Variants in CNBD1 observed in about 807,000 individuals in gnomAD.
CNBD1 encodes cyclic nucleotide-binding domain-containing protein 1.
Under a neutral mutation model 54.4 loss-of-function variants are expected in CNBD1, and 71 were observed. The ratio of observed to expected loss-of-function variants is 1.30; its 90% CI spans 1.08 to 1.59. The LOEUF (loss-of-function observed/expected upper bound fraction) is 1.59, where lower values mean the gene tolerates loss of function less well. Among genes scored for constraint, CNBD1 ranks in the 40% most tolerant of loss-of-function variants. The pLI, the probability that CNBD1 is intolerant of heterozygous loss-of-function variation, is 0.00. For missense variants in CNBD1, 659 were observed against 518.0 expected, an observed-to-expected ratio of 1.27 and a Z score of -2.64; for synonymous variants, 182 against 170.7, an observed-to-expected ratio of 1.07 and a Z score of -0.51.
At chr8:87,314,681 AAAATT>A (rs1478786486) in intron 8 of CNBD1, among the ~76,000 whole-genome samples, 1 of 152,044 alleles carries the variant, frequency 6.6e-6, no homozygotes, top group Non-Finnish European at 1.5e-5. Context: ...TAAGAAATAT[AAAATT>A]AAGTGAGGTA....
chr8:87,423,812 C>T (rs1807990369), intron 2 of CNBD1, among the ~76,000 whole-genome samples: 1 of 151,940 alleles, frequency 6.6e-6, no homozygotes, highest in African/African-American at 2.4e-5. Flanking sequence ...GGGAGGATTC[C>T]CTCTTTTTCT....
At chr8:86,897,511 AG>A (rs1808864684) in intron 2 of CNBD1, among the ~76,000 whole-genome samples, 1 of 152,198 alleles carries the variant, frequency 6.6e-6, no homozygotes, top group Admixed American at 6.5e-5. Context: ...GGGACCAGAA[AG>A]CAGATAGTGA....
intron 8 of CNBD1, among the ~76,000 whole-genome samples, chr8:87,321,783 G>A (rs1194044829): frequency 7.2e-6 from 1 of 138,878 alleles, no homozygotes; most frequent in African/African-American, 2.7e-5. Context: ...ATGTCATCAG[G>A]CTTTTTTCTT....
intron 6 of CNBD1, among the ~76,000 whole-genome samples, chr8:87,256,780 T>A (rs1437355026): frequency 1.1e-5 from 1 of 93,596 alleles, no homozygotes; most frequent in Non-Finnish European, 2.2e-5. Flanking sequence ...TCCCTTAAGG[T>A]TTACAATGGA....
chr8:87,409,706 C>A (rs996279799), intron 2 of CNBD1, among the ~76,000 whole-genome samples: 1 of 151,948 alleles, frequency 6.6e-6, no homozygotes, highest in Non-Finnish European at 1.5e-5. Flanking sequence ...CTCTGAAAAC[C>A]CAGGGGCTTA....
chr8:87,390,265 A>T (rs1166954297), intron 2 of CNBD1, among the ~76,000 whole-genome samples: 1 of 152,202 alleles, frequency 6.6e-6, no homozygotes, highest in Admixed American at 6.5e-5. Flanking sequence ...AAGTAAACTA[A>T]AGAGCTTCTG....
intron 4 of CNBD1, among the ~76,000 whole-genome samples, chr8:87,118,445 T>C (rs989679883): frequency 1.3e-5 from 2 of 151,996 alleles, no homozygotes; most frequent in Non-Finnish European, 2.9e-5. Context: ...GAGAAAATAT[T>C]ATTTGAGAAA....
At chr8:87,257,189 G>A (rs1233651162) in intron 6 of CNBD1, among the ~76,000 whole-genome samples, 2 of 148,490 alleles carry the variant, frequency 1.3e-5, no homozygotes, top group Non-Finnish European at 3.0e-5. Context: ...GGCCAACATG[G>A]TGAAACCTGT....
intron 2 of CNBD1, among the ~76,000 whole-genome samples, chr8:87,401,825 A>G (rs1807570393): frequency 6.6e-6 from 1 of 152,048 alleles, no homozygotes; most frequent in Non-Finnish European, 1.5e-5. Flanking sequence ...CACATTAAGG[A>G]ACACCAATAT....
intron 10 of CNBD1, among the ~76,000 whole-genome samples, chr8:87,372,409 G>A (rs2337040): frequency 0.019 from 2,868 of 151,942 alleles, 91 homozygotes; most frequent in African/African-American, 0.063. Flanking sequence ...CTAGTTTTCT[G>A]TCATTATTTC....
intron 4 of CNBD1, among the ~76,000 whole-genome samples, chr8:87,154,460 T>C (rs988473789): frequency 2.6e-5 from 4 of 152,148 alleles, no homozygotes; most frequent in Non-Finnish European, 5.9e-5. Context: ...CAAGATTTGT[T>C]CAGAACTGCA....
chr8:87,321,606 T>C (rs922356733), intron 8 of CNBD1, among the ~76,000 whole-genome samples: 1 of 152,144 alleles, frequency 6.6e-6, no homozygotes, highest in Admixed American at 6.6e-5. Context: ...TTATCAGGTA[T>C]ATAGTCTGCA....
chr8:87,181,686 G>A (rs1476512443), intron 4 of CNBD1, among the ~76,000 whole-genome samples: 1 of 152,008 alleles, frequency 6.6e-6, no homozygotes, highest in Non-Finnish European at 1.5e-5. Context: ...AAAATCTGTT[G>A]ATTTCTGAGG....
At position 87,050,702 on chromosome 8, in the gene CNBD1, A is replaced by G. The variant is rs570007271; in HGVS notation, c.431+110948A>G. Among the ~76,000 whole-genome samples the G allele has an allele frequency of 7.2e-5, 11 of 152,360 alleles. No individual in the cohort carries two copies. In the South Asian group the frequency reaches 2.3e-3, roughly 32 times the overall value. ...TCAGATACTTGGGTTAGCAGAGTAT[A>G]GAGATTAATAATCACCCAATTAATT... On this transcript the variant is annotated intron_variant, in intron 4 of 10. Transcript: ENST00000518476.
At chr8:86,905,012 T>A (rs1008513916) in intron 2 of CNBD1, 69 bp from the exon 3 acceptor site, 17 of 857,318 alleles carry the variant, frequency 2.0e-5, no homozygotes, top group Middle Eastern at 5.7e-4. Context: ...ATATATTGAG[T>A]TAAAAATCTT....
intron 4 of CNBD1, among the ~76,000 whole-genome samples, chr8:86,989,001 G>A (rs1253518091): frequency 6.6e-5 from 10 of 152,138 alleles, no homozygotes; most frequent in Non-Finnish European, 1.0e-4. Context: ...AGGGAATGAT[G>A]GCTCATACCT....
At position 87,374,081 on chromosome 8, in the gene CNBD1, A is replaced by G. The variant is rs142838855; in HGVS notation, c.1304-8539A>G. On this transcript the variant is annotated intron_variant, in intron 10 of 10. Coordinates refer to ENST00000518476, the MANE Select transcript of CNBD1 (RefSeq NM_173538.3). ...TTGTTTGGCAAAACTAATCCCCTAA[A>G]AAATTCCTTACAAAATAATTCATCA... 2.9e-3 allele frequency among the ~76,000 whole-genome samples: 447 copies of G among 151,880 alleles called. 5 individuals are homozygous for G. Among genetic ancestry groups the G allele is most frequent in the African/African-American group, 9.9e-3 (409 of 41,516 alleles).
intron 8 of CNBD1, among the ~76,000 whole-genome samples, chr8:87,323,327 T>C (rs965121740): frequency 1.5e-5 from 2 of 130,872 alleles, no homozygotes; most frequent in African/African-American, 2.9e-5. Flanking sequence ...AGTAGTTTTT[T>C]CCAATTCTGT....
At chr8:87,357,394 C>T (rs1472495651) in intron 10 of CNBD1, among the ~76,000 whole-genome samples, 1 of 152,194 alleles carries the variant, frequency 6.6e-6, no homozygotes, top group Non-Finnish European at 1.5e-5. Context: ...AGCAAAGCTG[C>T]AAGGGTGGAG....
Sources: gnomAD v4.1 joint callset for allele counts (sites outside exome capture counted in the v4.1 genomes callset) on GRCh38, gnomAD v4.1.1 for gene constraint, MANE v1.5 for transcripts, NCBI Gene and HGNC (gene_info 2026-07-23, HGNC 2026-07-21) for gene names.